Variants in PPARGC1B observed in about 807,000 individuals in gnomAD.
The protein encoded by PPARGC1B is PPARG coactivator 1 beta.
A neutral mutation model predicts 101.6 loss-of-function variants in PPARGC1B; 34 were observed. That is an observed-to-expected ratio of 0.33 (90% CI 0.25 to 0.45). PPARGC1B has a LOEUF of 0.45. Among genes scored for constraint, PPARGC1B ranks in the 20% least tolerant of loss-of-function variants. The probability of loss-of-function intolerance (pLI) is 1.00; values close to 1 mark genes in which losing one functional copy is unlikely to be tolerated. For synonymous variants in PPARGC1B, 548 were observed against 539.3 expected (o/e 1.02, Z -0.22); for missense variants, 1,234 against 1,317.6 (o/e 0.94, Z 0.98).
rs1412794409 is a variant in PPARGC1B at position 149,853,635 on chromosome 5, TA to T, written c.*6078del. 4 of 152,354 alleles carry T rather than the reference TA, an allele frequency of 2.6e-5. No individual in the cohort carries two copies. In the East Asian group the frequency reaches 5.8e-4, roughly 22 times the overall value. The allele number at this position is 152,354 out of a possible 1,614,324, so 9.4% of individuals were successfully genotyped here. On this transcript the variant is annotated 3_prime_UTR_variant, in exon 12 of 12. Transcript: ENST00000309241. The surrounding 1 kb of genome is among the most constrained non-coding windows in gnomAD (Gnocchi z 4.2). ...TTGATATGATCCCCGAATAGCCAAATAGTTTTTTTTGTTCAATTTTTTGTTT... is the reference window on the plus strand; with the variant it reads ...TTGATATGATCCCCGAATAGCCAAATGTTTTTTTTGTTCAATTTTTTGTTT...
rs914086664 is a variant in PPARGC1B at position 149,749,872 on chromosome 5, C to T, written c.78+19452C>T. Among the ~76,000 whole-genome samples the T allele has an allele frequency of 3.9e-5, 6 of 152,202 alleles. No individual in the cohort carries two copies. In the East Asian group the frequency reaches 1.2e-3, roughly 29 times the overall value. ...AGTCTGGGATTGTGAATCATGGGGG[C>T]TGTTTTGCTTTGGTAAATTCTGCTT... is the stretch of plus-strand genomic sequence containing the variant. On this transcript the variant is annotated intron_variant, in intron 1 of 11. Coordinates refer to ENST00000309241, the MANE Select transcript of PPARGC1B (RefSeq NM_133263.4).
intron 1 of PPARGC1B, among the ~76,000 whole-genome samples, chr5:149,798,296 A>G (rs1455802493): frequency 6.6e-6 from 1 of 152,270 alleles, no homozygotes; most frequent in African/African-American, 2.4e-5. Flanking sequence ...TGAAAAAATT[A>G]ATCCAGCATT....
chr5:149,731,166 C>T (rs1230993570), intron 1 of PPARGC1B, among the ~76,000 whole-genome samples: 1 of 151,970 alleles, frequency 6.6e-6, no homozygotes, highest in Non-Finnish European at 1.5e-5. Context: ...AGGCGGAGTC[C>T]CAGGCACTGG....
intron 1 of PPARGC1B, among the ~76,000 whole-genome samples, chr5:149,785,852 G>A (rs1382384422): frequency 1.3e-5 from 2 of 152,072 alleles, no homozygotes; most frequent in Non-Finnish European, 2.9e-5. Flanking sequence ...GCTGCCCAAG[G>A]GTCCAGGACA....
At chr5:149,749,604 TC>T (rs1316400362) in intron 1 of PPARGC1B, among the ~76,000 whole-genome samples, 2 of 152,180 alleles carry the variant, frequency 1.3e-5, no homozygotes, top group Non-Finnish European at 2.9e-5. Flanking sequence ...AACTGTAATC[TC>T]CATTGATCTC....
chr5:149,815,909 AT>A (rs1345902721), intron 1 of PPARGC1B, among the ~76,000 whole-genome samples: 1 of 152,138 alleles, frequency 6.6e-6, no homozygotes, highest in Admixed American at 6.6e-5. Flanking sequence ...TGCTGGGTTG[AT>A]TTAAGACTGA....
Position 149,820,586 on chromosome 5 carries a change from G to A in PPARGC1B, c.232G>A (p.Asp78Asn), listed in dbSNP as rs1423459889. ...GACTGAACCCAACCAGTACAGCCCC[G>A]ATGACTCCGAGCTCTTCCAGGTATG... ...SETEPNQYSP[D>N]DSELFQIDSE... Residue 78 changes from aspartate (D) to asparagine (N), a missense_variant, in exon 2 of 12, where the codon GAT becomes AAT. Coordinates refer to ENST00000309241, the MANE Select transcript of PPARGC1B (RefSeq NM_133263.4). 31 of 1,612,140 alleles carry A rather than the reference G, an allele frequency of 1.9e-5. No individual in the cohort carries two copies. In the East Asian group the frequency reaches 4.9e-4, roughly 25 times the overall value.
intron 1 of PPARGC1B, among the ~76,000 whole-genome samples, chr5:149,756,718 T>G (rs1002383275): frequency 1.3e-5 from 2 of 152,176 alleles, no homozygotes; most frequent in African/African-American, 4.8e-5. Flanking sequence ...AGTGAGATTC[T>G]TTTTTTGAGT....
downstream of PPARGC1B, among the ~76,000 whole-genome samples, chr5:149,856,009 C>T (rs553798508): frequency 2.9e-4 from 44 of 151,964 alleles, no homozygotes; most frequent in Middle Eastern, 3.4e-3. Context: ...CCCAGCTACT[C>T]GGGAGGCTGA....
intron 1 of PPARGC1B, among the ~76,000 whole-genome samples, chr5:149,809,966 G>C (rs1757789867): frequency 6.6e-6 from 1 of 152,110 alleles, no homozygotes; most frequent in Non-Finnish European, 1.5e-5. Flanking sequence ...GGCGTTCCAG[G>C]CTGAGGAAGG....
intron 1 of PPARGC1B, among the ~76,000 whole-genome samples, chr5:149,787,777 A>G (rs1388080593): frequency 6.6e-6 from 1 of 152,224 alleles, no homozygotes; most frequent in East Asian, 1.9e-4. Context: ...TCGGCCAATC[A>G]TAACTAAATG....
intron 1 of PPARGC1B, among the ~76,000 whole-genome samples, chr5:149,768,601 GTC>G (rs1756006945): frequency 6.9e-6 from 1 of 145,744 alleles, no homozygotes; most frequent in Non-Finnish European, 1.5e-5. Context: ...CCACCACCAC[GTC>G]TGGCTAATTT....
At chr5:149,828,056 G>A (rs959791158) in intron 3 of PPARGC1B, among the ~76,000 whole-genome samples, 1 of 152,210 alleles carries the variant, frequency 6.6e-6, no homozygotes, top group Non-Finnish European at 1.5e-5. Flanking sequence ...TGGAAAAACT[G>A]TGGCCCAGAG....
rs368912552 is a variant in PPARGC1B, at chr5:149,833,362, A to G, written c.1289A>G (p.Glu430Gly). 3 of 1,613,372 alleles carry G rather than the reference A, an allele frequency of 1.9e-6. No homozygotes were observed. In the African/African-American group the frequency reaches 4.0e-5, roughly 22 times the overall value. The part of the protein sequence containing the change: ...VRRPARLQQQ[E>G]EEDEEEEEEE... Reference sequence around the variant, plus strand: ...CGGCCTGCCAGACTGCAGCAGCAGGAGGAGGAAGACGAGGAAGAAGAGGAG... The same window carrying G: ...CGGCCTGCCAGACTGCAGCAGCAGGGGGAGGAAGACGAGGAAGAAGAGGAG... The change falls in exon 5 of 12, where the codon GAG becomes GGG. Residue 430 changes from glutamate to glycine, a missense_variant. This residue lies in a region of PPARGC1B where 734 missense variants were observed against 768.4 expected (regional missense o/e 0.96). Transcript: ENST00000309241. This position sits in a 1 kb window ranked among gnomAD's most constrained non-coding sequence, Gnocchi z 4.1.
At chr5:149,762,084 A>G (rs1456196037) in intron 1 of PPARGC1B, among the ~76,000 whole-genome samples, 2 of 151,068 alleles carry the variant, frequency 1.3e-5, no homozygotes, top group African/African-American at 4.9e-5. Context: ...CCTGTGTGAG[A>G]TGATGGGATA....
chr5:149,772,927 C>T (rs1196136620), intron 1 of PPARGC1B, among the ~76,000 whole-genome samples: 2 of 152,118 alleles, frequency 1.3e-5, no homozygotes, highest in Non-Finnish European at 1.5e-5. Flanking sequence ...TGATGGTATC[C>T]TATGCCAGTG....
intron 3 of PPARGC1B, among the ~76,000 whole-genome samples, chr5:149,830,030 CAAAAAAAAAAAAAAAAA>C (rs60711433): frequency 2.9e-5 from 1 of 34,268 alleles, no homozygotes; most frequent in Non-Finnish European, 5.7e-5. Flanking sequence ...GACTGCATCT[CAAAAAAAAAAAAAAAAA>C]AAAAAAAGAA....
chr5:149,819,746 G>T (rs1311773572), intron 1 of PPARGC1B, among the ~76,000 whole-genome samples: 2 of 152,134 alleles, frequency 1.3e-5, no homozygotes, highest in South Asian at 2.1e-4. Flanking sequence ...CGAATGATCC[G>T]CCCACCTTGG....
intron 1 of PPARGC1B, among the ~76,000 whole-genome samples, chr5:149,806,022 C>T (rs1219983360): frequency 1.3e-5 from 2 of 152,200 alleles, no homozygotes; most frequent in African/African-American, 2.4e-5. Context: ...ATCTCTCCCT[C>T]GGCCTGGTCA....
Sources: allele counts gnomAD v4.1 joint callset (sites outside exome capture counted in the v4.1 genomes callset), GRCh38; gene constraint gnomAD v4.1.1; regional missense constraint gnomAD v4.1.1; non-coding constraint Gnocchi (gnomAD v3.1); transcripts MANE v1.5; gene names NCBI Gene and HGNC (gene_info 2026-07-23, HGNC 2026-07-21).